Variants in GOLGA1 observed in about 807,000 individuals in gnomAD.
GOLGA1 encodes golgin A1.
Under a neutral mutation model 119.7 loss-of-function variants are expected in GOLGA1, and 63 were observed. The ratio of observed to expected loss-of-function variants is 0.53; its 90% confidence interval spans 0.43 to 0.65. The LOEUF is 0.65. Ranked by LOEUF, GOLGA1 falls within the 30% of genes least tolerant of loss-of-function variation. GOLGA1 has a pLI of 0.00. For synonymous variants in GOLGA1, 318 were observed against 333.4 expected (o/e 0.95, Z 0.50); for missense variants, 798 against 912.8 (o/e 0.87, Z 1.62).
intron 15 of GOLGA1, 77 bp downstream of exon 15, chr9:124,898,472 G>C (rs568041355): frequency 1.2e-6 from 1 of 823,680 alleles, no homozygotes. Context: ...CTGTAAGTAT[G>C]AGAAGTGGGG....
At chr9:124,884,698 T>C (rs1445499683) in intron 19 of GOLGA1, among the ~76,000 whole-genome samples, 1 of 152,206 alleles carries the variant, frequency 6.6e-6, no homozygotes, top group Non-Finnish European at 1.5e-5. Flanking sequence ...AAATGGCACC[T>C]TGTGGCTTTG....
At chr9:124,897,180 T>G (rs1470204789) in intron 15 of GOLGA1, among the ~76,000 whole-genome samples, 36 of 152,140 alleles carry the variant, frequency 2.4e-4, no homozygotes, top group Admixed American at 2.3e-3. Flanking sequence ...CCTAACTCCA[T>G]ATGGAAAAGA....
intron 22 of GOLGA1, 41 bp from the exon 23 acceptor site, chr9:124,880,651 G>C (rs1829555417): frequency 7.8e-7 from 1 of 1,284,570 alleles, no homozygotes; most frequent in African/African-American, 1.5e-5. Context: ...TGCAAATCAG[G>C]ACTTGGTGCC....
In GOLGA1 at chr9:124,890,482, C is replaced by T. The variant is rs943572676; in HGVS notation, c.1408-4G>A. ...TTTCTCTTTGGCTCCATTCTTCCTA[C>T]AATGCAGAAAACCACTGAGCCCCAA... On this transcript the variant is annotated splice_polypyrimidine_tract_variant and splice_region_variant and intron_variant, in intron 15 of 22. Transcript: ENST00000373555. The T allele has an allele frequency of 6.2e-7, 1 of 1,609,386 alleles. No homozygotes were observed. Among genetic ancestry groups the T allele is most frequent in the Non-Finnish European group, 8.5e-7 (1 of 1,175,712 alleles).
rs1315452352 is a variant in GOLGA1, at chr9:124,888,811, T to C, written c.1761+332A>G. ...GCCTCCCGGGTTCACATCATTCTCC[T>C]GCCTCAGCCTCCCGAGTAGCTGGGA... On this transcript the variant is annotated intron_variant, in intron 18 of 22. Transcript: ENST00000373555. This position sits in a 1 kb window ranked among gnomAD's most constrained non-coding sequence, Gnocchi z 4.4. Among the ~76,000 whole-genome samples, 1 of 152,206 alleles carries C rather than the reference T, an allele frequency of 6.6e-6. No homozygotes were observed. Among genetic ancestry groups the C allele is most frequent in the Non-Finnish European group, 1.5e-5 (1 of 68,022 alleles).
intron 12 of GOLGA1, among the ~76,000 whole-genome samples, chr9:124,906,154 C>T (rs2131433248): frequency 9.4e-6 from 1 of 106,180 alleles, no homozygotes; most frequent in East Asian, 3.7e-4. Flanking sequence ...TAAATAAGGG[C>T]CTGGCGCAGT....
intron 10 of GOLGA1, among the ~76,000 whole-genome samples, chr9:124,920,680 A>C (rs181029002): frequency 1.1e-3 from 168 of 152,142 alleles, no homozygotes; most frequent in African/African-American, 3.8e-3. Flanking sequence ...TCACGCCTGT[A>C]ATCTCAGCAC....
intron 3 of GOLGA1, among the ~76,000 whole-genome samples, chr9:124,932,665 G>C (rs1033764536): frequency 1.3e-5 from 2 of 152,200 alleles, no homozygotes; most frequent in African/African-American, 4.8e-5. Flanking sequence ...AGTTGTCTTA[G>C]TCTGTTTGAG....
chr9:124,890,037 T>G (rs749140183), intron 16 of GOLGA1, among the ~76,000 whole-genome samples: 8 of 152,200 alleles, frequency 5.3e-5, no homozygotes, highest in Non-Finnish European at 1.2e-4. Context: ...TTTCCCATAC[T>G]TCCTGCAAAA....
intron 7 of GOLGA1, 78 bp downstream of exon 7, chr9:124,926,631 T>C (rs754974233): frequency 4.5e-6 from 4 of 879,260 alleles, no homozygotes; most frequent in Non-Finnish European, 7.9e-6. Flanking sequence ...AATCAGTATG[T>C]TGGTTACCGG....
intron 12 of GOLGA1, among the ~76,000 whole-genome samples, chr9:124,906,441 A>G (rs918330571): frequency 5.3e-5 from 8 of 149,886 alleles, no homozygotes; most frequent in African/African-American, 1.7e-4. Flanking sequence ...AAAAAAAAAG[A>G]AAGATTAAAA....
In GOLGA1 at chr9:124,883,848, G is replaced by A. The variant is rs146406289; in HGVS notation, c.1906-1279C>T. Among the ~76,000 whole-genome samples the A allele has an allele frequency of 1.1e-3, 174 of 151,904 alleles. 1 individual carries two copies. In the East Asian group the frequency reaches 0.028, roughly 24 times the overall value. On this transcript the variant is annotated intron_variant, in intron 19 of 22. Coordinates refer to ENST00000373555, the MANE Select transcript of GOLGA1 (RefSeq NM_002077.4). ...AGCAATTCTCCCACTTCAACCTCCC[G>A]AGTAGCTGGGACTACAGCTGTGCGC...
rs765048663 is a variant in GOLGA1 at position 124,889,158 on chromosome 9, T to C, written c.1746A>G (p.Ser582=). 28 of 1,610,704 alleles carry C rather than the reference T, an allele frequency of 1.7e-5. No individual in the cohort carries two copies. Among genetic ancestry groups the C allele is most frequent in the African/African-American group, 9.4e-5 (7 of 74,844 alleles). Residue 582 remains serine (S), a synonymous_variant, in exon 18 of 23, where the codon TCA becomes TCG. Coordinates refer to ENST00000373555, the MANE Select transcript of GOLGA1 (RefSeq NM_002077.4). ...TGGGACTTACGTGCGACTCATTGACTGAGAGTGCTTCGGCCTGCAATGGGC... is the reference window on the plus strand; with the variant it reads ...TGGGACTTACGTGCGACTCATTGACCGAGAGTGCTTCGGCCTGCAATGGGC... ...LRGPLQAEAL[S]VNESHVTSRA... is the part of the protein sequence containing the mutation.
chr9:124,908,516 T>G, intron 11 of GOLGA1, 44 bp from the exon 12 acceptor site: 1 of 986,222 alleles, frequency 1.0e-6, no homozygotes, highest in Admixed American at 1.7e-5. Flanking sequence ...CATTCCTCAG[T>G]TGAATAAATA....
rs753111539 is a variant in GOLGA1, at chr9:124,881,800, G to T, written c.2120C>A (p.Ser707Tyr). The T allele has an allele frequency of 6.2e-7, 1 of 1,611,000 alleles. No homozygotes were observed. The highest frequency in any genetic ancestry group is 8.5e-7 in the Non-Finnish European group (1 of 1,178,692). ...YLKHVVLKFM[S>Y]CRESEAFHLI... is the part of the protein sequence containing the mutation. Reference sequence around the variant, plus strand: ...GCCCTTTACCTCGGATTCGCGACAAGACATGAATTTTAAAACCACATGTTT... The same window carrying T: ...GCCCTTTACCTCGGATTCGCGACAATACATGAATTTTAAAACCACATGTTT... The change falls in exon 21 of 23, where the codon TCT (serine) becomes TAT (tyrosine). Residue 707 changes from serine (S) to tyrosine (Y), a missense_variant. Ser to Tyr is a moderately radical substitution (Grantham distance 144). Coordinates refer to ENST00000373555, the MANE Select transcript of GOLGA1 (RefSeq NM_002077.4). This position sits in a 1 kb window ranked among gnomAD's most constrained non-coding sequence, Gnocchi z 4.9.
At chr9:124,910,196 T>C (rs1449599733) in intron 11 of GOLGA1, among the ~76,000 whole-genome samples, 2 of 152,168 alleles carry the variant, frequency 1.3e-5, no homozygotes, top group Non-Finnish European at 2.9e-5. Flanking sequence ...CCCAAAGTGC[T>C]GGGATTATAG....
At chr9:124,926,630 G>T in intron 7 of GOLGA1, 79 bp downstream of exon 7, 1 of 875,012 alleles carries the variant, frequency 1.1e-6, no homozygotes, top group Non-Finnish European at 2.0e-6. Context: ...CAATCAGTAT[G>T]TTGGTTACCG....
chr9:124,895,608 AGAGCCTCCACGACAGG>A (rs1287450976), intron 15 of GOLGA1, among the ~76,000 whole-genome samples: 2 of 149,400 alleles, frequency 1.3e-5, no homozygotes, highest in Middle Eastern at 3.5e-3. Context: ...TCCACGACAG[AGAGCCTCCACGACAGG>A]GAGCCTCCAC....
intron 15 of GOLGA1, among the ~76,000 whole-genome samples, chr9:124,890,811 G>A (rs920776844): frequency 2.6e-4 from 39 of 152,290 alleles, no homozygotes; most frequent in Non-Finnish European, 3.5e-4. Context: ...AGTCAGACTC[G>A]CAGGCCACGT....
Sources: gnomAD v4.1 joint callset for allele counts (sites outside exome capture counted in the v4.1 genomes callset) on GRCh38, gnomAD v4.1.1 for gene constraint, Gnocchi (gnomAD v3.1) non-coding constraint, MANE v1.5 for transcripts, NCBI Gene and HGNC (gene_info 2026-07-23, HGNC 2026-07-21) for gene names.